PIEZO2: variants seen among roughly 807,000 people sequenced by gnomAD.
PIEZO2 encodes the protein piezo type mechanosensitive ion channel component 2.
PIEZO2 carries 172 observed loss-of-function variants against 337.3 expected under a neutral mutation model. The observed-to-expected ratio is 0.51, with a 90% CI of 0.45 to 0.58. The LOEUF is 0.58. Ranked by LOEUF, PIEZO2 falls within the 20% of genes least tolerant of loss-of-function variation. The pLI is 0.00. For missense variants in PIEZO2, 3,028 were observed against 3,391.3 expected (o/e 0.89, Z 2.66); for synonymous variants, 1,251 against 1,228.5 (o/e 1.02, Z -0.38).
At chr18:11,138,338 C>CA (rs768517017) in intron 1 of PIEZO2, among the ~76,000 whole-genome samples, 3 of 152,186 alleles carry the variant, frequency 2.0e-5, no homozygotes, top group African/African-American at 7.2e-5. Flanking sequence ...TTCTGTAGCC[C>CA]AAGCTGGAGT....
At chr18:10,832,095 C>G (rs1331623765) in intron 7 of PIEZO2, among the ~76,000 whole-genome samples, 1 of 152,034 alleles carries the variant, frequency 6.6e-6, no homozygotes, top group Non-Finnish European at 1.5e-5. Context: ...GCCAGGAGTT[C>G]AAGACCAGCC....
intron 7 of PIEZO2, among the ~76,000 whole-genome samples, chr18:10,812,530 A>AT (rs1328577287): frequency 6.5e-5 from 9 of 139,152 alleles, no homozygotes; most frequent in Admixed American, 1.5e-4. Flanking sequence ...AATAAAAGTT[A>AT]TTAAAAAATT....
chr18:11,095,594 C>T lies in PIEZO2; in HGVS notation c.65-29372G>A, dbSNP rs186521088. Among the ~76,000 whole-genome samples the T allele has an allele frequency of 2.6e-4, 40 of 152,280 alleles. 1 individual carries two copies. The highest frequency in any genetic ancestry group is 9.6e-4 in the African/African-American group (40 of 41,550). ...TTTCTTAAGAGTGCATAAAACATAA[C>T]AAAGTCATCTAACACTAGTGAAAAT... is the stretch of plus-strand genomic sequence containing the variant. On this transcript the variant is annotated intron_variant, in intron 1 of 55. Coordinates refer to ENST00000674853, the MANE Select transcript of PIEZO2 (RefSeq NM_001378183.1).
intron 2 of PIEZO2, among the ~76,000 whole-genome samples, chr18:10,984,573 T>C (rs2034795316): frequency 6.6e-6 from 1 of 152,180 alleles, no homozygotes; most frequent in South Asian, 2.1e-4. Context: ...AAAAACGGTT[T>C]TTAAAATCCT....
chr18:10,927,758 G>T (rs1024806487), intron 3 of PIEZO2, among the ~76,000 whole-genome samples: 1 of 152,154 alleles, frequency 6.6e-6, no homozygotes, highest in Admixed American at 6.5e-5. Context: ...TCTCTCTGTG[G>T]TTTTTCAGTA....
intron 1 of PIEZO2, among the ~76,000 whole-genome samples, chr18:11,142,338 A>C (rs1430057796): frequency 1.3e-5 from 2 of 152,366 alleles, no homozygotes; most frequent in East Asian, 3.8e-4. Flanking sequence ...TTATGAAATT[A>C]TTAGACACTG....
chr18:10,762,266 A>C (rs2038167092), intron 23 of PIEZO2, among the ~76,000 whole-genome samples: 1 of 152,238 alleles, frequency 6.6e-6, no homozygotes, highest in Admixed American at 6.5e-5. Flanking sequence ...ATAATGTTCC[A>C]ATGAATGTAT....
chr18:10,890,709 A>G (rs1406892463), intron 4 of PIEZO2: 3 of 151,780 alleles, frequency 2.0e-5, no homozygotes, highest in Non-Finnish European at 4.4e-5. Flanking sequence ...CCCATGACAC[A>G]TGGGGATTAT....
intron 38 of PIEZO2, among the ~76,000 whole-genome samples, chr18:10,715,363 T>G (rs1295919749): frequency 6.6e-6 from 1 of 152,190 alleles, no homozygotes; most frequent in African/African-American, 2.4e-5. Context: ...TATAGGGATA[T>G]AGAACAAGGC....
Position 11,009,962 on chromosome 18 carries a change from T to C in PIEZO2, c.161-30302A>G, listed in dbSNP as rs2035841012. On this transcript the variant is annotated intron_variant, in intron 2 of 55. Transcript: ENST00000674853. This position sits in a 1 kb window ranked among gnomAD's most constrained non-coding sequence, Gnocchi z 4.6. ...CTCAAATATCCAGCCTCCAGAATGG[T>C]GAGATAATAAACGTCTGCTGTTGAA... 6.6e-6 allele frequency among the ~76,000 whole-genome samples: 1 copy of C among 151,920 alleles called. No individual in the cohort carries two copies. Among genetic ancestry groups the C allele is most frequent in the Non-Finnish European group, 1.5e-5 (1 of 67,972 alleles).
At chr18:11,085,296 A>T (rs930101420) in intron 1 of PIEZO2, among the ~76,000 whole-genome samples, 1 of 152,078 alleles carries the variant, frequency 6.6e-6, no homozygotes, top group African/African-American at 2.4e-5. Flanking sequence ...CCAGCATTCC[A>T]GACCCTTTAA....
chr18:10,736,947 G>A (rs2037023051), intron 33 of PIEZO2, among the ~76,000 whole-genome samples: 1 of 152,076 alleles, frequency 6.6e-6, no homozygotes, highest in African/African-American at 2.4e-5. Flanking sequence ...TAAGAGAACT[G>A]GCCACTACAG....
chr18:10,756,412 A>G (rs1424869147), intron 27 of PIEZO2, among the ~76,000 whole-genome samples: 3 of 147,560 alleles, frequency 2.0e-5, no homozygotes, highest in Non-Finnish European at 4.5e-5. Context: ...CGGATGGAAG[A>G]GGAGAAGGAT....
At position 11,132,402 on chromosome 18, in the gene PIEZO2, T is replaced by G. The variant is rs2040365762; in HGVS notation, c.64+16123A>C. On this transcript the variant is annotated intron_variant, in intron 1 of 55. Transcript: ENST00000674853. The surrounding 1 kb of genome is among the most constrained non-coding windows in gnomAD (Gnocchi z 4.7). ...TTGATAGAACGGTGGAATGGCCTTT[T>G]GAAGTCACAATTACAATGCCAGCTA... Among the ~76,000 whole-genome samples the G allele has an allele frequency of 6.6e-6, 1 of 152,192 alleles. No individual in the cohort carries two copies. The highest frequency in any genetic ancestry group is 2.4e-5 in the African/African-American group (1 of 41,424).
intron 2 of PIEZO2, among the ~76,000 whole-genome samples, chr18:11,052,757 A>G (rs928457356): frequency 6.6e-6 from 1 of 152,212 alleles, no homozygotes; most frequent in Non-Finnish European, 1.5e-5. Flanking sequence ...ATATTTGGTG[A>G]AAGAAATAAT....
intron 3 of PIEZO2, among the ~76,000 whole-genome samples, chr18:10,944,342 G>A (rs62083580): frequency 2.3e-3 from 353 of 151,424 alleles, no homozygotes; most frequent in Middle Eastern, 6.9e-3. Context: ...AACAATATTC[G>A]GTGGGATAAC....
At chr18:10,818,566 T>C (rs1020394259) in intron 7 of PIEZO2, among the ~76,000 whole-genome samples, 2 of 152,136 alleles carry the variant, frequency 1.3e-5, no homozygotes, top group Non-Finnish European at 2.9e-5. Flanking sequence ...AATATAGGAA[T>C]GTAACAGAAA....
At chr18:11,055,557 G>A (rs574730519) in intron 2 of PIEZO2, among the ~76,000 whole-genome samples, 1 of 152,216 alleles carries the variant, frequency 6.6e-6, no homozygotes, top group Non-Finnish European at 1.5e-5. Flanking sequence ...AGGGAGCTGT[G>A]ACAGCACAGA....
intron 2 of PIEZO2, among the ~76,000 whole-genome samples, chr18:11,012,230 C>G (rs2035933097): frequency 6.6e-6 from 1 of 152,164 alleles, no homozygotes. Context: ...ATAAGTGCTC[C>G]ATTATGACAT....
Sources: allele counts gnomAD v4.1 joint callset (sites outside exome capture counted in the v4.1 genomes callset), GRCh38; gene constraint gnomAD v4.1.1; non-coding constraint Gnocchi (gnomAD v3.1); transcripts MANE v1.5; gene names NCBI Gene and HGNC (gene_info 2026-07-23, HGNC 2026-07-21).